Variants in FBXL2 observed in about 807,000 individuals in gnomAD.
The protein encoded by FBXL2 is F-box/LRR-repeat protein 2.
FBXL2 carries 38 observed loss-of-function variants against 69.2 expected under a neutral mutation model. The ratio of observed to expected loss-of-function variants is 0.55; its 90% confidence interval spans 0.42 to 0.72. The LOEUF is 0.72. FBXL2 is among the 30% of genes least tolerant of loss of function. The pLI is 0.00. For synonymous variants in FBXL2, 192 were observed against 201.3 expected (o/e 0.95, Z 0.39); for missense variants, 354 against 520.3 (o/e 0.68, Z 3.11).
At chr3:33,277,203 T>A, upstream of FBXL2, 2 of 344,850 alleles carry the variant, frequency 5.8e-6, no homozygotes. Context: ...AAAAAATCCA[T>A]GGTCTCTTTC....
chr3:33,303,248 G>A, intron 2 of FBXL2: 1 of 449,984 alleles, frequency 2.2e-6, no homozygotes, highest in Non-Finnish European at 4.5e-6. Flanking sequence ...GTTTTTTTAG[G>A]TTGGTTTGCT....
chr3:33,384,719 T>TA, intron 14 of FBXL2, among the ~76,000 whole-genome samples: 1 of 151,934 alleles, frequency 6.6e-6, no homozygotes, highest in East Asian at 1.9e-4. Flanking sequence ...AGATTCCACA[T>TA]AGTCTGGTGA....
downstream of FBXL2, among the ~76,000 whole-genome samples, chr3:33,404,086 C>A (rs999605963): frequency 6.6e-6 from 1 of 152,100 alleles, no homozygotes; most frequent in African/African-American, 2.4e-5. Context: ...CACAGTGAGA[C>A]CCTGTTTCTA....
chr3:33,413,566 CTT>C, the FBXL2 span, among the ~76,000 whole-genome samples: 3 of 139,612 alleles, frequency 2.1e-5, no homozygotes, highest in African/African-American at 8.0e-5. Context: ...AAAAAAAAAA[CTT>C]TGAGTTTTGA....
At chr3:33,279,991 T>G (rs2033794686) in intron 1 of FBXL2, among the ~76,000 whole-genome samples, 1 of 152,242 alleles carries the variant, frequency 6.6e-6, no homozygotes, top group Non-Finnish European at 1.5e-5. Context: ...TTTATATGTT[T>G]CCTCATATAT....
chr3:33,314,301 C>T (rs973743494), intron 2 of FBXL2, among the ~76,000 whole-genome samples: 2 of 152,096 alleles, frequency 1.3e-5, no homozygotes, highest in Non-Finnish European at 2.9e-5. Flanking sequence ...AAGTTTGTAC[C>T]GTTTGACCAA....
the FBXL2 span, among the ~76,000 whole-genome samples, chr3:33,411,912 T>A: frequency 1.3e-5 from 2 of 152,256 alleles, no homozygotes; most frequent in African/African-American, 4.8e-5. Flanking sequence ...ATGATAAGGC[T>A]GAGCGTGGTG....
At chr3:33,359,247 A>G (rs1192909537) in intron 3 of FBXL2, 36 bp from the exon 4 acceptor site, 2 of 1,556,552 alleles carry the variant, frequency 1.3e-6, no homozygotes, top group Admixed American at 1.8e-5. Context: ...TGTTTCTTTC[A>G]TCCCAATCCC....
At chr3:33,392,498 T>C (rs2043808039), downstream of FBXL2, 1 of 1,382,936 alleles carries the variant, frequency 7.2e-7, no homozygotes, top group Non-Finnish European at 1.0e-6. Context: ...CGAGAGGCAC[T>C]AATTAGAGGC....
chr3:33,354,513 GA>G (rs879628603), intron 2 of FBXL2, among the ~76,000 whole-genome samples: 33 of 141,608 alleles, frequency 2.3e-4, no homozygotes, highest in South Asian at 4.4e-4. Context: ...ACTCCATCTG[GA>G]AAAAAAAAAA....
At chr3:33,404,482 G>A (rs2044361361), downstream of FBXL2, among the ~76,000 whole-genome samples, 1 of 133,646 alleles carries the variant, frequency 7.5e-6, no homozygotes, top group African/African-American at 2.7e-5. Context: ...AAGATAATAG[G>A]ATTAAAAAAA....
Position 33,394,172 on chromosome 3 carries a change from C to G in FBXL2, n.1214+8444C>G, listed in dbSNP as rs149651620. ...GCTGGGACTATGGTGGGGGCACACG[C>G]CACCATGCCTGGCTAATTTTTATTA... is the stretch of plus-strand genomic sequence containing the variant. On this transcript the variant is annotated intron_variant and non_coding_transcript_variant, in intron 12 of 12. Transcript: ENST00000463736. 6.1e-5 allele frequency among the ~76,000 whole-genome samples: 9 copies of G among 148,642 alleles called. No individual in the cohort carries two copies. The East Asian group carries it at 1.8e-3, about 29-fold the overall frequency.
At chr3:33,313,238 ATAATC>A (rs1234735447) in intron 2 of FBXL2, among the ~76,000 whole-genome samples, 1 of 152,110 alleles carries the variant, frequency 6.6e-6, no homozygotes, top group Non-Finnish European at 1.5e-5. Flanking sequence ...AAAGAAATAG[ATAATC>A]TAAAGAATTC....
chr3:33,342,783 T>G (rs903539235), intron 2 of FBXL2, among the ~76,000 whole-genome samples: 7 of 126,400 alleles, frequency 5.5e-5, no homozygotes, highest in Admixed American at 9.8e-5. Flanking sequence ...TGGAGTGCAG[T>G]GGCGCGATCT....
At chr3:33,297,490 A>G (rs535309774) in intron 1 of FBXL2, among the ~76,000 whole-genome samples, 174 bp from the exon 2 acceptor site, 16 of 152,194 alleles carry the variant, frequency 1.1e-4, no homozygotes, top group Non-Finnish European at 2.2e-4. Context: ...GTGATAGGAC[A>G]TAAAATATTT....
chr3:33,320,943 A>G (rs575506840), intron 2 of FBXL2, among the ~76,000 whole-genome samples: 1 of 152,288 alleles, frequency 6.6e-6, no homozygotes, highest in East Asian at 1.9e-4. Flanking sequence ...AAACCAACAT[A>G]TTCTTAGTAT....
At chr3:33,378,476 G>A (rs977242943) in intron 12 of FBXL2, among the ~76,000 whole-genome samples, 2 of 152,192 alleles carry the variant, frequency 1.3e-5, no homozygotes, top group Non-Finnish European at 2.9e-5. Context: ...CCTCCTTGGG[G>A]TACCAGAAGA....
At chr3:33,317,999 T>C (rs1232037667) in intron 2 of FBXL2, among the ~76,000 whole-genome samples, 1 of 152,172 alleles carries the variant, frequency 6.6e-6, no homozygotes, top group Non-Finnish European at 1.5e-5. Flanking sequence ...AATCACAGCA[T>C]GTTTTGGGCC....
At chr3:33,373,535 A>G (rs1394705201) in intron 7 of FBXL2, 43 bp from the exon 8 acceptor site, 3 of 1,613,620 alleles carry the variant, frequency 1.9e-6, no homozygotes, top group South Asian at 1.1e-5. Context: ...TTAACTCTCT[A>G]CAGGAGAGAC....
Sources: allele counts gnomAD v4.1 joint callset (sites outside exome capture counted in the v4.1 genomes callset), GRCh38; gene constraint gnomAD v4.1.1; transcripts MANE v1.5; gene names NCBI Gene and HGNC (gene_info 2026-07-23, HGNC 2026-07-21).